Variants in CRTAC1 observed in about 807,000 individuals in gnomAD.
The protein encoded by CRTAC1 is acidic secreted protein in cartilage.
CRTAC1 carries 37 observed loss-of-function variants against 67.8 expected under a neutral mutation model. The ratio of observed to expected loss-of-function variants is 0.55; its 90% CI spans 0.42 to 0.72. CRTAC1 has a LOEUF of 0.72. Among genes scored for constraint, CRTAC1 ranks in the 30% least tolerant of loss-of-function variants. CRTAC1 has a pLI of 0.00. For missense variants in CRTAC1, 780 were observed against 931.6 expected (o/e 0.84, Z 2.12); for synonymous variants, 348 against 371.0 (o/e 0.94, Z 0.71).
intron 14 of CRTAC1, among the ~76,000 whole-genome samples, chr10:97,872,195 C>T (rs1433707012): frequency 2.0e-5 from 3 of 148,836 alleles, no homozygotes; most frequent in Non-Finnish European, 3.0e-5. Flanking sequence ...CTGCCCATCT[C>T]AGGTTGGCAG....
chr10:97,968,919 C>G (rs1378071311), intron 2 of CRTAC1, among the ~76,000 whole-genome samples: 1 of 152,142 alleles, frequency 6.6e-6, no homozygotes, highest in Non-Finnish European at 1.5e-5. Context: ...GAGATGAGCT[C>G]AGAGATTTAT....
intron 2 of CRTAC1, among the ~76,000 whole-genome samples, chr10:97,938,929 G>A (rs2051130251): frequency 1.3e-5 from 2 of 152,176 alleles, no homozygotes; most frequent in Non-Finnish European, 2.9e-5. Flanking sequence ...TATGCATCAC[G>A]TTCCACAGTA....
At chr10:97,961,119 C>T (rs2051518557) in intron 2 of CRTAC1, among the ~76,000 whole-genome samples, 1 of 152,088 alleles carries the variant, frequency 6.6e-6, no homozygotes, top group Non-Finnish European at 1.5e-5. Flanking sequence ...TGAGAATGGT[C>T]TTGTAATGGC....
At chr10:97,976,669 C>T (rs1421123722) in intron 2 of CRTAC1, among the ~76,000 whole-genome samples, 2 of 152,242 alleles carry the variant, frequency 1.3e-5, no homozygotes, top group Non-Finnish European at 2.9e-5. Context: ...ACTGCTTCCA[C>T]AAAATTGTTC....
chr10:97,994,399 G>T (rs1842517174), intron 2 of CRTAC1, among the ~76,000 whole-genome samples: 1 of 152,132 alleles, frequency 6.6e-6, no homozygotes. Flanking sequence ...CTACAAATGG[G>T]CTTCTCTTGT....
chr10:97,895,130 C>T lies in CRTAC1; in HGVS notation c.1486+115G>A. 5.8e-6 allele frequency: 6 copies of T among 1,033,724 alleles called. 1 individual carries two copies. Among genetic ancestry groups the T allele is most frequent in the East Asian group, 2.7e-5 (1 of 37,258 alleles). 64.0% of individuals were successfully genotyped at this position (1,033,724 alleles called of 1,614,324 possible). ...GGGTTTGTCCCCAGTAGCTGGTGTC[C>T]ACCATGGCTGTCACAGTAGAGCGGA... On this transcript the variant is annotated intron_variant, in intron 11 of 14. Transcript: ENST00000370597. The surrounding 1 kb of genome is among the most constrained non-coding windows in gnomAD (Gnocchi z 4.2).
At chr10:98,006,450 C>A (rs142072694) in intron 2 of CRTAC1, among the ~76,000 whole-genome samples, 1 of 152,144 alleles carries the variant, frequency 6.6e-6, no homozygotes, top group East Asian at 1.9e-4. Context: ...CCGGCCCAGT[C>A]CCTCCCCCAT....
chr10:97,921,394 T>A (rs890489072), intron 4 of CRTAC1, among the ~76,000 whole-genome samples: 5 of 152,146 alleles, frequency 3.3e-5, no homozygotes, highest in African/African-American at 1.2e-4. Context: ...TAAAAAGGCA[T>A]CTTCATTTTC....
At chr10:97,945,081 G>A (rs2051243317) in intron 2 of CRTAC1, among the ~76,000 whole-genome samples, 2 of 152,210 alleles carry the variant, frequency 1.3e-5, no homozygotes, top group Non-Finnish European at 2.9e-5. Context: ...AGATAATGAT[G>A]ACCTATCATC....
intron 3 of CRTAC1, among the ~76,000 whole-genome samples, chr10:97,925,112 C>T (rs554607291): frequency 6.7e-4 from 102 of 152,166 alleles, no homozygotes; most frequent in African/African-American, 2.4e-3. Flanking sequence ...CAAACCCTCC[C>T]CCTCAAAAAT....
rs369135482 is a variant in CRTAC1, at chr10:97,904,814, C to T, written c.851G>A (p.Gly284Asp). The T allele has an allele frequency of 6.3e-7, 1 of 1,593,792 alleles. No individual in the cohort carries two copies. The highest frequency in any genetic ancestry group is 1.4e-5 in the African/African-American group (1 of 73,614). ...CCCATGCTGGTGGGGGTCGTCCACA[C>T]CTGGGGAGGAGAGGCAGGAACTCTC... Reference protein sequence around the residue: ...GTFVDAAASAGVDDPHQHGRG... With the variant: ...GTFVDAAASADVDDPHQHGRG... The change falls in exon 7 of 15, where the codon GGT becomes GAT. Residue 284 changes from glycine to aspartate, a missense_variant and splice_region_variant. Physicochemically the swap from Gly to Asp is moderately conservative, Grantham distance 94 (BLOSUM62 -1). Transcript: ENST00000370597.
chr10:98,019,197 C>A (rs557110960), intron 1 of CRTAC1, among the ~76,000 whole-genome samples: 1 of 152,236 alleles, frequency 6.6e-6, no homozygotes, highest in South Asian at 2.1e-4. Flanking sequence ...AGACAGAGAG[C>A]CGACTTTGCA....
chr10:97,954,209 G>A (rs925392387), intron 2 of CRTAC1, among the ~76,000 whole-genome samples: 24 of 152,148 alleles, frequency 1.6e-4, no homozygotes, highest in Non-Finnish European at 7.3e-5. Context: ...AGTAAAATGA[G>A]GGAAGAGGAT....
intron 2 of CRTAC1, among the ~76,000 whole-genome samples, chr10:97,997,970 A>G (rs769581126): frequency 5.9e-5 from 9 of 152,104 alleles, no homozygotes; most frequent in Non-Finnish European, 1.3e-4. Context: ...GAATGGAGGA[A>G]AGACTTGCTT....
intron 2 of CRTAC1, among the ~76,000 whole-genome samples, chr10:97,978,362 CT>C (rs988309736): frequency 6.6e-6 from 1 of 152,190 alleles, no homozygotes; most frequent in Admixed American, 6.5e-5. Context: ...CCTTTACCCC[CT>C]CTCCACCTCA....
At chr10:98,010,080 C>T (rs1386712101) in intron 2 of CRTAC1, among the ~76,000 whole-genome samples, 2 of 151,394 alleles carry the variant, frequency 1.3e-5, no homozygotes, top group East Asian at 1.9e-4. Flanking sequence ...TGCTCTGTCG[C>T]CCAGGCTGGA....
chr10:97,991,666 A>G (rs1452070150), intron 2 of CRTAC1, among the ~76,000 whole-genome samples: 1 of 152,174 alleles, frequency 6.6e-6, no homozygotes, highest in Non-Finnish European at 1.5e-5. Context: ...TGTCTTCACC[A>G]CAATGGTAGG....
intron 1 of CRTAC1, among the ~76,000 whole-genome samples, chr10:98,026,917 C>T (rs1843244196): frequency 6.6e-6 from 1 of 151,962 alleles, no homozygotes; most frequent in Non-Finnish European, 1.5e-5. Context: ...CGGTGGCTCA[C>T]GCCTGTAATC....
intron 2 of CRTAC1, among the ~76,000 whole-genome samples, chr10:97,958,631 G>T (rs2051477517): frequency 6.6e-6 from 1 of 152,026 alleles, no homozygotes; most frequent in South Asian, 2.1e-4. Context: ...GTTCACTATT[G>T]GTTTTGTACT....
Sources: allele counts gnomAD v4.1 joint callset (sites outside exome capture counted in the v4.1 genomes callset), GRCh38; gene constraint gnomAD v4.1.1; non-coding constraint Gnocchi (gnomAD v3.1); transcripts MANE v1.5; gene names NCBI Gene and HGNC (gene_info 2026-07-23, HGNC 2026-07-21).